ITGB3BP: variants seen among roughly 807,000 people sequenced by gnomAD.
ITGB3BP encodes the protein integrin subunit beta 3 binding protein, also known as centromere protein R.
In ITGB3BP, 27 loss-of-function variants were observed where a neutral mutation model predicts 29.1. The ratio of observed to expected loss-of-function variants is 0.93; its 90% CI spans 0.68 to 1.28. The LOEUF is 1.28. ITGB3BP is among the 50% of genes most tolerant of loss of function. ITGB3BP has a pLI of 0.00. For synonymous variants in ITGB3BP, 61 were observed against 61.4 expected (o/e 0.99, Z 0.03); for missense variants, 192 against 200.2 (o/e 0.96, Z 0.25).
Position 63,473,452 on chromosome 1 carries a change from C to T in ITGB3BP, c.254+5312G>A, listed in dbSNP as rs866569422. Among the ~76,000 whole-genome samples, 456 of 141,560 alleles carry T rather than the reference C, an allele frequency of 3.2e-3. 3 individuals carry two copies. The South Asian group carries it at 0.036, about 11-fold the overall frequency. The allele number at this position is 141,560 out of a possible 152,430, so 92.9% of individuals were successfully genotyped here. ...TGAGGAGCCCCTCTGCCCGGCCAGTCGCCCCGTCCAGGAGGGAGGTGGGGG... is the reference window on the plus strand; with the variant it reads ...TGAGGAGCCCCTCTGCCCGGCCAGTTGCCCCGTCCAGGAGGGAGGTGGGGG... On this transcript the variant is annotated intron_variant, in intron 4 of 8. Transcript: ENST00000271002.
chr1:63,451,660 G>T (rs955511823), intron 7 of ITGB3BP: 3 of 151,936 alleles, frequency 2.0e-5, no homozygotes, highest in African/African-American at 7.2e-5. Context: ...TAATATGTAT[G>T]TTAGGAACCA....
rs1646019703 is a variant in ITGB3BP, at chr1:63,504,375, T to C, written c.48+4153A>G. 1.3e-5 allele frequency among the ~76,000 whole-genome samples: 2 copies of C among 151,956 alleles called. 1 individual carries two copies. The highest frequency in any genetic ancestry group is 4.9e-5 in the African/African-American group (2 of 41,206). Reference sequence around the variant, plus strand: ...TACATTGATTTTGTATCCTGAGACTTTGCTGAAGTTGCCTATCAGCTTAAG... The same window carrying C: ...TACATTGATTTTGTATCCTGAGACTCTGCTGAAGTTGCCTATCAGCTTAAG... On this transcript the variant is annotated intron_variant, in intron 2 of 8. Transcript: ENST00000271002.
intron 2 of ITGB3BP, among the ~76,000 whole-genome samples, chr1:63,502,186 G>C (rs1557646773): frequency 6.6e-6 from 1 of 152,062 alleles, no homozygotes; most frequent in Non-Finnish European, 1.5e-5. Flanking sequence ...AATCTACCTA[G>C]GAACAATGCT....
chr1:63,467,330 A>C (rs1251240190), intron 4 of ITGB3BP, among the ~76,000 whole-genome samples: 1 of 152,008 alleles, frequency 6.6e-6, no homozygotes, highest in African/African-American at 2.4e-5. Context: ...TGCTTTCTAA[A>C]TTATAGTTAT....
intron 2 of ITGB3BP, among the ~76,000 whole-genome samples, chr1:63,504,534 A>G (rs546967531): frequency 6.6e-6 from 1 of 152,094 alleles, no homozygotes; most frequent in Non-Finnish European, 1.5e-5. Context: ...CCTGGCCAGA[A>G]CTTCCAACAC....
intron 3 of ITGB3BP, among the ~76,000 whole-genome samples, chr1:63,482,910 C>A (rs1189030397): frequency 6.6e-6 from 1 of 152,024 alleles, no homozygotes; most frequent in African/African-American, 2.4e-5. Context: ...CGCCTCAGCC[C>A]CCCAAAGTGC....
intron 4 of ITGB3BP, among the ~76,000 whole-genome samples, chr1:63,464,045 A>G (rs1427680511): frequency 6.6e-6 from 1 of 152,212 alleles, no homozygotes; most frequent in African/African-American, 2.4e-5. Context: ...TTGGTTACCC[A>G]CAAGAAATAG....
At chr1:63,463,249 C>A (rs1199281125) in intron 4 of ITGB3BP, among the ~76,000 whole-genome samples, 299 of 77,038 alleles carry the variant, frequency 3.9e-3, no homozygotes, top group African/African-American at 6.3e-3. Flanking sequence ...AACTCTGTCT[C>A]AAAAAAAAAA....
chr1:63,518,090 G>T (rs908371205), intron 1 of ITGB3BP, among the ~76,000 whole-genome samples: 3 of 152,046 alleles, frequency 2.0e-5, no homozygotes, highest in African/African-American at 4.8e-5. Context: ...AGTGGTGAGA[G>T]GGCACGTTCT....
intron 2 of ITGB3BP, among the ~76,000 whole-genome samples, chr1:63,504,581 C>T (rs1646025566): frequency 6.6e-6 from 1 of 152,052 alleles, no homozygotes; most frequent in African/African-American, 2.4e-5. Context: ...GGCATCCTTG[C>T]CTTGTGCCAG....
At chr1:63,473,774 C>T (rs1272948590) in intron 4 of ITGB3BP, among the ~76,000 whole-genome samples, 9 of 50,422 alleles carry the variant, frequency 1.8e-4, no homozygotes, top group Non-Finnish European at 3.4e-4. Context: ...CCCGGCCAGC[C>T]GCCCCGTCCG....
chr1:63,492,134 C>T (rs1645663192), intron 2 of ITGB3BP, among the ~76,000 whole-genome samples: 1 of 151,904 alleles, frequency 6.6e-6, no homozygotes, highest in African/African-American at 2.4e-5. Flanking sequence ...ATACATTTCT[C>T]CTTGGAAACA....
At chr1:63,523,542 G>A (rs1646514191), upstream of ITGB3BP, 1 of 263,270 alleles carries the variant, frequency 3.8e-6, no homozygotes. Flanking sequence ...ATGGTGATTA[G>A]AGAAAGGCCG....
In ITGB3BP at chr1:63,506,527, G is replaced by A. The variant is rs116090238; in HGVS notation, c.48+2001C>T. ...CCCTCCCACAACAGGTGGGAATTACGGGAGTACAATTTAAGATGAGATTTG... is the reference window on the plus strand; with the variant it reads ...CCCTCCCACAACAGGTGGGAATTACAGGAGTACAATTTAAGATGAGATTTG... On this transcript the variant is annotated intron_variant, in intron 2 of 8. Transcript: ENST00000271002. 4.4e-3 allele frequency among the ~76,000 whole-genome samples: 677 copies of A among 152,210 alleles called. 5 individuals carry two copies. Among genetic ancestry groups the A allele is most frequent in the African/African-American group, 0.015 (620 of 41,542 alleles).
chr1:63,478,208 T>C (rs1311856173), intron 4 of ITGB3BP, among the ~76,000 whole-genome samples: 3 of 152,248 alleles, frequency 2.0e-5, no homozygotes, highest in Non-Finnish European at 4.4e-5. Flanking sequence ...TTGTCATTGG[T>C]TGAATCCACA....
At chr1:63,476,506 C>T (rs1162361612) in intron 4 of ITGB3BP, among the ~76,000 whole-genome samples, 1 of 152,174 alleles carries the variant, frequency 6.6e-6, no homozygotes, top group Non-Finnish European at 1.5e-5. Flanking sequence ...ATTAAGTAAA[C>T]ATAGGCAAAT....
At chr1:63,521,054 T>C (rs1218019019) in intron 1 of ITGB3BP, among the ~76,000 whole-genome samples, 2 of 152,176 alleles carry the variant, frequency 1.3e-5, no homozygotes, top group Non-Finnish European at 2.9e-5. Flanking sequence ...CATTGTTGTA[T>C]TGAAGTTTTT....
chr1:63,474,151 G>A (rs1645279121), intron 4 of ITGB3BP, among the ~76,000 whole-genome samples: 1 of 127,400 alleles, frequency 7.8e-6, no homozygotes, highest in Non-Finnish European at 1.8e-5. Flanking sequence ...AGGTGGGGGG[G>A]TCAGCCCCCC....
intron 1 of ITGB3BP, among the ~76,000 whole-genome samples, chr1:63,511,975 T>C (rs537082177): frequency 1.0e-3 from 157 of 152,210 alleles, no homozygotes; most frequent in African/African-American, 3.5e-3. Context: ...TAAAAATAGA[T>C]AATTTTTTTA....
Sources: allele counts gnomAD v4.1 joint callset (sites outside exome capture counted in the v4.1 genomes callset), GRCh38; gene constraint gnomAD v4.1.1; transcripts MANE v1.5; gene names NCBI Gene and HGNC (gene_info 2026-07-23, HGNC 2026-07-21).